The following LRP2 variants were observed in gnomAD, a reference collection of about 807,000 sequenced individuals.
LRP2 encodes the protein low-density lipoprotein receptor-related protein 2.
A neutral mutation model predicts 531.0 loss-of-function variants in LRP2; 172 were observed. The observed-to-expected ratio is 0.32, with a 90% CI of 0.29 to 0.37. LRP2 has a LOEUF of 0.37. Among genes scored for constraint, LRP2 ranks in the 10% least tolerant of loss-of-function variants. The pLI is 1.00. For synonymous variants in LRP2, 1,992 were observed against 2,027.6 expected (o/e 0.98, Z 0.47); for missense variants, 5,167 against 5,868.3 (o/e 0.88, Z 3.90).
intron 76 of LRP2, among the ~76,000 whole-genome samples, chr2:169,133,992 AAC>A (rs1685391710): frequency 6.6e-6 from 1 of 152,080 alleles, no homozygotes. Flanking sequence ...TTCTCATAAA[AAC>A]ACACATGCTC....
Position 169,246,751 on chromosome 2 carries a change from G to A in LRP2, c.3144C>T (p.Val1048=), listed in dbSNP as rs374566827. The A allele has an allele frequency of 8.7e-6, 14 of 1,613,910 alleles. No individual in the cohort carries two copies. The highest frequency in any genetic ancestry group is 2.7e-5 in the African/African-American group (2 of 74,854). The change falls in exon 21 of 79, where the codon GTC becomes GTT. Residue 1048 remains valine, a synonymous_variant. Coordinates refer to ENST00000649046, the MANE Select transcript of LRP2 (RefSeq NM_004525.3). ...CATCACTGTTATCATGACAATCATC[G>A]ACTCCATCACAGAGATAGTAATTGG... ...CVPNYYLCDG[V]DDCHDNSDEQ... is the part of the protein sequence containing the mutation.
chr2:169,329,969 T>C (rs960387024), intron 1 of LRP2, among the ~76,000 whole-genome samples: 1 of 152,178 alleles, frequency 6.6e-6, no homozygotes, highest in Admixed American at 6.5e-5. Context: ...TAGATTCCCA[T>C]AGGAGCACAA....
chr2:169,166,238 A>G (rs972591201), intron 61 of LRP2, among the ~76,000 whole-genome samples, 184 bp from the exon 62 acceptor site: 1 of 152,264 alleles, frequency 6.6e-6, no homozygotes. Flanking sequence ...GCTAGGCAGT[A>G]GATATGATGG....
intron 6 of LRP2, 112 bp from the exon 7 acceptor site, chr2:169,292,481 A>G: frequency 1.3e-6 from 1 of 776,748 alleles, no homozygotes; most frequent in Non-Finnish European, 2.3e-6. Flanking sequence ...TTCTATATCA[A>G]TTTAATCCCT....
chr2:169,338,125 A>T (rs1685455246), intron 1 of LRP2, among the ~76,000 whole-genome samples: 1 of 151,324 alleles, frequency 6.6e-6, no homozygotes, highest in Non-Finnish European at 1.5e-5. Context: ...AAAGAGAAAA[A>T]GAAATGGGGG....
In LRP2 at chr2:169,209,533, T is replaced by C; in HGVS notation, c.6389A>G (p.Asp2130Gly). The change falls in exon 38 of 79, where the codon GAT becomes GGT. Residue 2130 changes from aspartate to glycine, a missense_variant. Asp to Gly is a moderately conservative substitution (Grantham distance 94, BLOSUM62 -1). Transcript: ENST00000649046. ...CACAATGTTCATCAGAGAAGATCCA[T>C]CTGGTTTAATTCTACGGATCGCATT... Reference protein sequence around the residue: ...SDNAIRRIKPDGSSLMNIVTH... With the variant: ...SDNAIRRIKPGGSSLMNIVTH... 3 of 1,614,100 alleles carry C rather than the reference T, an allele frequency of 1.9e-6. No homozygotes were observed. The highest frequency in any genetic ancestry group is 2.5e-6 in the Non-Finnish European group (3 of 1,179,980).
At chr2:169,262,599 T>G (rs374102786) in intron 16 of LRP2, among the ~76,000 whole-genome samples, 2,239 of 149,000 alleles carry the variant, frequency 0.015, 31 homozygotes, top group African/African-American at 0.051. Context: ...TAAAAGAGGA[T>G]ACAAACAAAT....
At chr2:169,356,293 G>T (rs1270665761) in intron 1 of LRP2, among the ~76,000 whole-genome samples, 1 of 152,186 alleles carries the variant, frequency 6.6e-6, no homozygotes, top group Non-Finnish European at 1.5e-5. Flanking sequence ...ATGTGAAGTT[G>T]TGGTAGCCAC....
intron 1 of LRP2, among the ~76,000 whole-genome samples, chr2:169,325,140 C>T (rs1685015229): frequency 6.6e-6 from 1 of 150,644 alleles, no homozygotes; most frequent in South Asian, 2.1e-4. Context: ...TTGTAAGTTT[C>T]TTTCTCCTTC....
intron 76 of LRP2, among the ~76,000 whole-genome samples, chr2:169,134,951 C>G (rs1159004035): frequency 6.6e-6 from 1 of 152,172 alleles, no homozygotes; most frequent in Non-Finnish European, 1.5e-5. Flanking sequence ...ACTTCTGTCC[C>G]TCACAGTCAG....
At chr2:169,172,427 A>G (rs1486793301) in intron 57 of LRP2, among the ~76,000 whole-genome samples, 1 of 152,256 alleles carries the variant, frequency 6.6e-6, no homozygotes, top group Non-Finnish European at 1.5e-5. Context: ...AAATGATGCC[A>G]TAATAAATAA....
At chr2:169,322,559 C>T (rs948016655) in intron 1 of LRP2, among the ~76,000 whole-genome samples, 2 of 152,186 alleles carry the variant, frequency 1.3e-5, no homozygotes, top group South Asian at 4.1e-4. Context: ...TGTACAAATT[C>T]ACTCTGGAAT....
intron 4 of LRP2, among the ~76,000 whole-genome samples, chr2:169,304,575 T>A (rs1226740737): frequency 6.6e-6 from 1 of 152,202 alleles, no homozygotes; most frequent in Non-Finnish European, 1.5e-5. Flanking sequence ...GAACCTACTG[T>A]GTGCTTTACA....
chr2:169,274,970 A>G, intron 14 of LRP2, 66 bp downstream of exon 14: 1 of 1,509,888 alleles, frequency 6.6e-7, no homozygotes, highest in Non-Finnish European at 9.2e-7. Context: ...TTAACTTTCA[A>G]AGCTTTGAGA....
chr2:169,338,359 G>GAAAGAAGGAAAGAAAGAAA, intron 1 of LRP2, among the ~76,000 whole-genome samples: 1 of 76,638 alleles, frequency 1.3e-5, no homozygotes, highest in South Asian at 5.0e-4. Flanking sequence ...AAAGAAAGAA[G>GAAAGAAGGAAAGAAAGAAA]GAAAGAAAGA....
intron 1 of LRP2, among the ~76,000 whole-genome samples, chr2:169,333,370 C>T (rs1685315593): frequency 6.6e-6 from 1 of 151,980 alleles, no homozygotes; most frequent in African/African-American, 2.4e-5. Flanking sequence ...AGTACCCAGC[C>T]TACCCTCAAT....
rs1559066697 is a variant in LRP2 at position 169,305,274 on chromosome 2, T to C, written c.427+2007A>G. On this transcript the variant is annotated intron_variant, in intron 4 of 78. Transcript: ENST00000649046. Reference sequence around the variant, plus strand: ...TGTGGTCATGGTATGGATGGAAGCATAGGTCTTGCTTTTGCACATATACAA... The same window carrying C: ...TGTGGTCATGGTATGGATGGAAGCACAGGTCTTGCTTTTGCACATATACAA... 2.6e-5 allele frequency among the ~76,000 whole-genome samples: 4 copies of C among 152,046 alleles called. No homozygotes were observed. In the South Asian group the frequency reaches 6.2e-4, roughly 24 times the overall value.
chr2:169,297,811 A>G (rs145989540), intron 4 of LRP2, among the ~76,000 whole-genome samples: 1 of 152,292 alleles, frequency 6.6e-6, no homozygotes, highest in African/African-American at 2.4e-5. Flanking sequence ...GCAGAGTAAG[A>G]TACAAATATA....
At chr2:169,181,327 C>T (rs1394732434) in intron 52 of LRP2, 121 bp downstream of exon 52, 11 of 946,608 alleles carry the variant, frequency 1.2e-5, no homozygotes, top group Non-Finnish European at 1.7e-5. Context: ...TGACTTCCCC[C>T]GAATGACTTC....
Sources: allele counts gnomAD v4.1 joint callset (sites outside exome capture counted in the v4.1 genomes callset), GRCh38; gene constraint gnomAD v4.1.1; transcripts MANE v1.5; gene names NCBI Gene and HGNC (gene_info 2026-07-23, HGNC 2026-07-21).